The following ZNF385D variants were observed in gnomAD, a reference collection of about 807,000 sequenced individuals.
ZNF385D encodes zinc finger protein 385D.
In ZNF385D, 15 loss-of-function variants were observed where a neutral mutation model predicts 35.8. That is an observed-to-expected ratio of 0.42 (90% CI 0.28 to 0.64). The LOEUF (loss-of-function observed/expected upper bound fraction) is 0.64. Among genes scored for constraint, ZNF385D ranks in the 30% least tolerant of loss-of-function variants. The pLI, the probability that ZNF385D is intolerant of heterozygous loss-of-function variation, is 0.23. For missense variants in ZNF385D, 474 were observed against 494.6 expected (o/e 0.96, Z 0.39); for synonymous variants, 212 against 186.8 (o/e 1.13, Z -1.10).
chr3:22,155,533 A>G (rs1257532940), intron 3 of ZNF385D, among the ~76,000 whole-genome samples: 1 of 152,088 alleles, frequency 6.6e-6, no homozygotes, highest in East Asian at 1.9e-4. Context: ...GGGGTCCTTG[A>G]CTAGTAAATA....
At chr3:21,978,634 C>A (rs1047548699) in intron 3 of ZNF385D, among the ~76,000 whole-genome samples, 11 of 152,106 alleles carry the variant, frequency 7.2e-5, no homozygotes, top group Non-Finnish European at 1.3e-4. Context: ...CATATGTGTT[C>A]TTATTCAATT....
intron 3 of ZNF385D, among the ~76,000 whole-genome samples, chr3:22,133,224 G>A (rs9853302): frequency 0.28 from 43,104 of 151,924 alleles, 6,672 homozygotes; most frequent in African/African-American, 0.4. Context: ...GAAATACTTC[G>A]TATCTTCAAC....
At chr3:21,447,863 C>T (rs527975669) in intron 4 of ZNF385D, among the ~76,000 whole-genome samples, 1 of 152,074 alleles carries the variant, frequency 6.6e-6, no homozygotes, top group Non-Finnish European at 1.5e-5. Flanking sequence ...AAATAACAGC[C>T]AGCTCTTCAG....
chr3:21,747,461 T>C (rs2069831860), intron 1 of ZNF385D, among the ~76,000 whole-genome samples: 1 of 152,190 alleles, frequency 6.6e-6, no homozygotes, highest in Admixed American at 6.5e-5. Context: ...TTCAGCACAA[T>C]CAGCCTCCCA....
chr3:21,998,564 T>C (rs965191536), intron 3 of ZNF385D, among the ~76,000 whole-genome samples: 6 of 152,250 alleles, frequency 3.9e-5, no homozygotes, highest in Non-Finnish European at 8.8e-5. Flanking sequence ...CAGATATCTT[T>C]AACTATTGTT....
In ZNF385D at chr3:21,539,528, T is replaced by G. The variant is rs1261505932; in HGVS notation, c.276+25046A>C. Among the ~76,000 whole-genome samples the G allele has an allele frequency of 6.6e-6, 1 of 152,174 alleles. No homozygotes were observed. Among genetic ancestry groups the G allele is most frequent in the African/African-American group, 2.4e-5 (1 of 41,444 alleles). ...TAATTAAATCCACATTATTCAGTAA[T>G]TTCATATGTTAGTTTGTTTTCTTTA... On this transcript the variant is annotated intron_variant, in intron 3 of 7. Transcript: ENST00000281523. This position sits in a 1 kb window ranked among gnomAD's most constrained non-coding sequence, Gnocchi z 4.0.
intron 1 of ZNF385D, among the ~76,000 whole-genome samples, chr3:21,701,627 A>G (rs2067686712): frequency 6.6e-6 from 1 of 152,170 alleles, no homozygotes; most frequent in Admixed American, 6.5e-5. Context: ...GTCCACAGCC[A>G]AAGTCTCATC....
intron 2 of ZNF385D, among the ~76,000 whole-genome samples, chr3:22,328,356 T>G (rs1028681453): frequency 6.6e-6 from 1 of 151,242 alleles, no homozygotes; most frequent in East Asian, 1.9e-4. Context: ...TATAAAAAAT[T>G]TAACATAATT....
intron 3 of ZNF385D, among the ~76,000 whole-genome samples, chr3:21,983,459 C>G (rs1382063953): frequency 1.7e-5 from 2 of 115,748 alleles, no homozygotes; most frequent in African/African-American, 6.3e-5. Context: ...ATGATGGTTT[C>G]CAATTTCATC....
chr3:22,243,243 A>G (rs546447181), intron 2 of ZNF385D, among the ~76,000 whole-genome samples: 9 of 151,222 alleles, frequency 6.0e-5, no homozygotes, highest in African/African-American at 2.2e-4. Context: ...TCCAAGACAT[A>G]TATAAACAGC....
Position 21,823,949 on chromosome 3 carries a change from G to T in ZNF385D, c.326-158921C>A, listed in dbSNP as rs377133135. Among the ~76,000 whole-genome samples, 5 of 152,114 alleles carry T rather than the reference G, an allele frequency of 3.3e-5. No homozygotes were observed. In the East Asian group the frequency reaches 7.7e-4, roughly 23 times the overall value. On this transcript the variant is annotated intron_variant, in intron 3 of 5. Transcript: ENST00000494108. ...TCAGGTGAAGTTGTCACTTTATTGA[G>T]AAATCATTAAATTATTACACTATTT...
At chr3:21,781,826 A>T (rs2336049) in intron 3 of ZNF385D, among the ~76,000 whole-genome samples, 57,550 of 125,068 alleles carry the variant, frequency 0.46, 11,291 homozygotes, top group South Asian at 0.54. Context: ...CCCATAGGTC[A>T]AGGTGAATCA....
chr3:21,485,513 A>G (rs181842134), intron 4 of ZNF385D, among the ~76,000 whole-genome samples: 1 of 152,156 alleles, frequency 6.6e-6, no homozygotes, highest in African/African-American at 2.4e-5. Context: ...TTTCTGCTAT[A>G]CCATCATTTC....
intron 1 of ZNF385D, among the ~76,000 whole-genome samples, chr3:21,675,488 G>GT (rs2066697580): frequency 6.6e-6 from 1 of 152,058 alleles, no homozygotes; most frequent in Non-Finnish European, 1.5e-5. Context: ...CATGCAGTTA[G>GT]TAAGTGGTAG....
chr3:21,566,974 T>A (rs1387821), intron 2 of ZNF385D, among the ~76,000 whole-genome samples: 137,382 of 152,210 alleles, frequency 0.9, 62,171 homozygotes, highest in African/African-American at 0.96. Context: ...TCTGGAATCT[T>A]TCATTCAATA....
intron 2 of ZNF385D, among the ~76,000 whole-genome samples, chr3:22,351,192 C>G (rs1244291649): frequency 6.6e-6 from 1 of 151,976 alleles, no homozygotes; most frequent in Admixed American, 6.6e-5. Context: ...TGCAAAGTAG[C>G]CAGAATTGGT....
intron 1 of ZNF385D, among the ~76,000 whole-genome samples, chr3:21,736,970 C>A (rs1362714134): frequency 1.3e-5 from 2 of 152,144 alleles, no homozygotes; most frequent in African/African-American, 4.8e-5. Flanking sequence ...GGCGGAGTCT[C>A]GCTCCGTCGC....
At chr3:22,270,734 A>G (rs1701131678) in intron 2 of ZNF385D, among the ~76,000 whole-genome samples, 1 of 151,584 alleles carries the variant, frequency 6.6e-6, no homozygotes, top group Non-Finnish European at 1.5e-5. Context: ...GTTGTACAAT[A>G]TGTTATATAC....
chr3:21,871,682 T>G (rs2125847679), intron 3 of ZNF385D, among the ~76,000 whole-genome samples: 1 of 152,264 alleles, frequency 6.6e-6, no homozygotes, highest in East Asian at 1.9e-4. Flanking sequence ...AGTGTTTTCT[T>G]TAAGAAAACT....
Sources: allele counts gnomAD v4.1 joint callset (sites outside exome capture counted in the v4.1 genomes callset), GRCh38; gene constraint gnomAD v4.1.1; non-coding constraint Gnocchi (gnomAD v3.1); transcripts MANE v1.5; gene names NCBI Gene and HGNC (gene_info 2026-07-23, HGNC 2026-07-21).